The following GNG7 variants were observed in gnomAD, a reference collection of about 807,000 sequenced individuals.
The protein encoded by GNG7 is guanine nucleotide-binding protein G(I)/G(S)/G(O) subunit gamma-7.
Under a neutral mutation model 4.0 loss-of-function variants are expected in GNG7, and 1 was observed. The ratio of observed to expected loss-of-function variants is 0.25; its 90% CI spans 0.09 to 1.18. The LOEUF (loss-of-function observed/expected upper bound fraction) is 1.18. Among genes scored for constraint, GNG7 ranks in the 50% most tolerant of loss-of-function variants. GNG7 has a pLI of 0.50. For synonymous variants in GNG7, 34 were observed against 36.9 expected (o/e 0.92, Z 0.29); for missense variants, 86 against 91.9 (o/e 0.94, Z 0.26).
chr19:2,533,620 A>G (rs1419070321), intron 3 of GNG7, among the ~76,000 whole-genome samples: 1 of 152,214 alleles, frequency 6.6e-6, no homozygotes, highest in African/African-American at 2.4e-5. Context: ...TTGCCAGAGG[A>G]AAAAACAGCA....
chr19:2,524,667 T>C (rs1024587059), intron 3 of GNG7, among the ~76,000 whole-genome samples: 1 of 152,178 alleles, frequency 6.6e-6, no homozygotes, highest in African/African-American at 2.4e-5. Flanking sequence ...TGCGTCTGCA[T>C]ATGAGTGTGT....
chr19:2,525,924 C>A (rs1978377212), intron 3 of GNG7, among the ~76,000 whole-genome samples: 1 of 145,554 alleles, frequency 6.9e-6, no homozygotes, highest in African/African-American at 2.6e-5. Context: ...ATTCTCTTGC[C>A]TCAGCCTCCC....
intron 3 of GNG7, among the ~76,000 whole-genome samples, chr19:2,553,631 T>C (rs890273905): frequency 5.9e-5 from 5 of 85,014 alleles, no homozygotes; most frequent in South Asian, 3.6e-4. Flanking sequence ...ATGCACACGT[T>C]ACATGTAATA....
Position 2,557,465 on chromosome 19 carries a change from G to C in GNG7, c.-77-2277C>G, listed in dbSNP as rs1034503421. On this transcript the variant is annotated intron_variant, in intron 2 of 4. Transcript: ENST00000382159. The surrounding 1 kb of genome is among the most constrained non-coding windows in gnomAD (Gnocchi z 5.1). ...AAACATGCACAGACTCAAGAAACGA[G>C]GGGCTGCAGGACTTTTCCTCCTCCT... Among the ~76,000 whole-genome samples, 2 of 152,188 alleles carry C rather than the reference G, an allele frequency of 1.3e-5. No homozygotes were observed. Among genetic ancestry groups the C allele is most frequent in the Non-Finnish European group, 2.9e-5 (2 of 68,044 alleles).
intron 3 of GNG7, among the ~76,000 whole-genome samples, chr19:2,554,204 C>T (rs550841258): frequency 6.8e-6 from 1 of 147,384 alleles, no homozygotes; most frequent in Admixed American, 6.8e-5. Flanking sequence ...CTTTAGAGAC[C>T]TGGTCTCACT....
At chr19:2,621,758 C>G (rs1042679618) in intron 2 of GNG7, among the ~76,000 whole-genome samples, 1 of 152,056 alleles carries the variant, frequency 6.6e-6, no homozygotes, top group Non-Finnish European at 1.5e-5. Flanking sequence ...CAGCAGAAAA[C>G]AGAAGCAGAG....
chr19:2,683,573 T>A (rs1983796056), intron 1 of GNG7: 1 of 152,210 alleles, frequency 6.6e-6, no homozygotes, highest in African/African-American at 2.4e-5. Context: ...TGATAAAGAC[T>A]GGCAGTGGGG....
At chr19:2,521,993 GGCAGACGATCACAGGAC>G (rs762147320) in intron 3 of GNG7, among the ~76,000 whole-genome samples, 3 of 152,094 alleles carry the variant, frequency 2.0e-5, no homozygotes, top group Non-Finnish European at 4.4e-5. Context: ...ACCTCAACAG[GGCAGACGATCACAGGAC>G]GCAGAGTCTC....
intron 2 of GNG7, among the ~76,000 whole-genome samples, chr19:2,645,953 T>C (rs998474516): frequency 1.1e-4 from 16 of 152,060 alleles, no homozygotes; most frequent in African/African-American, 3.4e-4. Context: ...CGCTGTGGGC[T>C]TCCCACCCTG....
At position 2,514,877 on chromosome 19, in the gene GNG7, G is replaced by A. The variant is rs565041492; in HGVS notation, c.*145C>T. On this transcript the variant is annotated 3_prime_UTR_variant, in exon 5 of 5. Transcript: ENST00000382159. ...CGCCTTTTTTGGCGGGGAGAGGGGGGATTTCTTTTGGAATTAAAGGTTTTG... is the reference window on the plus strand; with the variant it reads ...CGCCTTTTTTGGCGGGGAGAGGGGGAATTTCTTTTGGAATTAAAGGTTTTG... The A allele has an allele frequency of 1.5e-6, 1 of 670,102 alleles. No homozygotes were observed. The highest frequency in any genetic ancestry group is 2.8e-5 in the Admixed American group (1 of 35,896). 41.5% of individuals were successfully genotyped at this position (670,102 alleles called of 1,614,324 possible). A position where few individuals can be genotyped will look rare whatever the true frequency, so the allele number is the denominator to read the frequency against.
chr19:2,608,556 CAG>C (rs1213901336), intron 2 of GNG7, among the ~76,000 whole-genome samples: 5 of 152,228 alleles, frequency 3.3e-5, no homozygotes, highest in African/African-American at 1.2e-4. Context: ...GAGTCATCTG[CAG>C]AGTCACGAGA....
chr19:2,556,574 C>T (rs909618236), intron 2 of GNG7, among the ~76,000 whole-genome samples: 5 of 152,276 alleles, frequency 3.3e-5, no homozygotes, highest in African/African-American at 9.6e-5. Flanking sequence ...CACCCACACA[C>T]GACACTTTCT....
chr19:2,688,427 C>G (rs917485682), intron 1 of GNG7, among the ~76,000 whole-genome samples: 4 of 152,088 alleles, frequency 2.6e-5, no homozygotes, highest in African/African-American at 9.7e-5. Flanking sequence ...GTTAACAGCA[C>G]CAGTAGGAAG....
chr19:2,596,358 C>G, intron 2 of GNG7, among the ~76,000 whole-genome samples: 1 of 76,200 alleles, frequency 1.3e-5, no homozygotes, highest in East Asian at 3.9e-4. Context: ...GAGTCGGTCC[C>G]TAAAATTAAA....
intron 1 of GNG7, among the ~76,000 whole-genome samples, chr19:2,677,290 C>T (rs906433949): frequency 2.7e-5 from 4 of 150,300 alleles, no homozygotes; most frequent in East Asian, 2.0e-4. Context: ...TCTATACAAC[C>T]GTGGTTCTCA....
chr19:2,526,988 G>C (rs1401198987), intron 3 of GNG7, among the ~76,000 whole-genome samples: 1 of 151,960 alleles, frequency 6.6e-6, no homozygotes, highest in Non-Finnish European at 1.5e-5. Flanking sequence ...TGGGACTACA[G>C]GCGCGCGCCA....
intron 3 of GNG7, among the ~76,000 whole-genome samples, chr19:2,531,382 T>G (rs1291067923): frequency 6.6e-6 from 1 of 151,190 alleles, no homozygotes; most frequent in Non-Finnish European, 1.5e-5. Context: ...ACAGCAGAGT[T>G]TTGAATAATC....
chr19:2,553,613 CT>C (rs1979419944), intron 3 of GNG7, among the ~76,000 whole-genome samples: 2 of 106,690 alleles, frequency 1.9e-5, no homozygotes, highest in African/African-American at 3.4e-5. Context: ...ATATATCATA[CT>C]ACATACATGC....
intron 2 of GNG7, among the ~76,000 whole-genome samples, chr19:2,563,035 C>T (rs1317295570): frequency 3.3e-5 from 5 of 152,074 alleles, no homozygotes; most frequent in African/African-American, 1.2e-4. Context: ...AGCTCCTCCT[C>T]CCGGGTTCAC....
Sources: allele counts gnomAD v4.1 joint callset (sites outside exome capture counted in the v4.1 genomes callset), GRCh38; gene constraint gnomAD v4.1.1; non-coding constraint Gnocchi (gnomAD v3.1); transcripts MANE v1.5; gene names NCBI Gene and HGNC (gene_info 2026-07-23, HGNC 2026-07-21).